The following ERBB4 variants were observed in gnomAD, a reference collection of about 807,000 sequenced individuals.
ERBB4 encodes the protein erb-b2 receptor tyrosine kinase 4, also known as receptor tyrosine-protein kinase erbB-4.
ERBB4 carries 42 observed loss-of-function variants against 158.0 expected under a neutral mutation model. That is an observed-to-expected ratio of 0.27 (90% CI 0.21 to 0.34). The LOEUF (loss-of-function observed/expected upper bound fraction) is 0.34. ERBB4 is among the 10% of genes least tolerant of loss of function. The probability of loss-of-function intolerance (pLI) is 1.00; values close to 1 mark genes in which losing one functional copy is unlikely to be tolerated. For missense variants in ERBB4, 1,333 were observed against 1,624.1 expected, an observed-to-expected ratio of 0.82 and a Z score of 3.08; for synonymous variants, 583 against 558.7, an observed-to-expected ratio of 1.04 and a Z score of -0.61.
chr2:211,894,353 T>C (rs535972692), intron 3 of ERBB4, among the ~76,000 whole-genome samples: 109 of 146,484 alleles, frequency 7.4e-4, no homozygotes, highest in Non-Finnish European at 1.4e-3. Flanking sequence ...TAGTTGGGAA[T>C]TGAACAATGA....
intron 16 of ERBB4, among the ~76,000 whole-genome samples, chr2:211,643,236 A>C (rs2070664923): frequency 6.6e-6 from 1 of 152,138 alleles, no homozygotes; most frequent in Non-Finnish European, 1.5e-5. Context: ...ACCATAGGGA[A>C]TTCTGGAAAA....
intron 2 of ERBB4, among the ~76,000 whole-genome samples, chr2:212,094,966 A>C (rs560550086): frequency 1.3e-5 from 2 of 151,968 alleles, no homozygotes; most frequent in African/African-American, 4.8e-5. Flanking sequence ...GCAGAAAGTG[A>C]TATGAAATTC....
chr2:211,669,912 T>C (rs2071774583), intron 14 of ERBB4, among the ~76,000 whole-genome samples: 1 of 152,210 alleles, frequency 6.6e-6, no homozygotes, highest in South Asian at 2.1e-4. Flanking sequence ...ACTTTCTTTA[T>C]ATTTTAAAGG....
At chr2:211,702,443 T>C (rs921655653) in intron 11 of ERBB4, among the ~76,000 whole-genome samples, 4 of 152,182 alleles carry the variant, frequency 2.6e-5, no homozygotes, top group Admixed American at 6.5e-5. Context: ...GCTCACTATC[T>C]TCCCACCCCA....
chr2:211,689,135 G>A (rs2072696555), intron 12 of ERBB4, among the ~76,000 whole-genome samples: 1 of 152,074 alleles, frequency 6.6e-6, no homozygotes, highest in Non-Finnish European at 1.5e-5. Context: ...ATTTCTTTCT[G>A]ATTTAGTCAT....
chr2:211,505,510 T>G (rs935220414), intron 20 of ERBB4, among the ~76,000 whole-genome samples: 1 of 145,078 alleles, frequency 6.9e-6, no homozygotes, highest in Non-Finnish European at 1.5e-5. Flanking sequence ...AAAAAAAACA[T>G]GTAAGTAGAA....
chr2:211,786,804 T>C (rs978461678), intron 4 of ERBB4, among the ~76,000 whole-genome samples: 2 of 152,188 alleles, frequency 1.3e-5, no homozygotes, highest in Non-Finnish European at 2.9e-5. Flanking sequence ...ATATGTGCAA[T>C]AGCATGGGCA....
At chr2:211,866,626 T>C (rs1353519760) in intron 3 of ERBB4, among the ~76,000 whole-genome samples, 1 of 152,158 alleles carries the variant, frequency 6.6e-6, no homozygotes, top group Admixed American at 6.5e-5. Flanking sequence ...ATTATATAAA[T>C]GAAGATTTTA....
At chr2:212,322,654 T>C (rs7577906) in intron 1 of ERBB4, among the ~76,000 whole-genome samples, 133,875 of 149,844 alleles carry the variant, frequency 0.89, 60,522 homozygotes, top group Middle Eastern at 0.97. Flanking sequence ...CCTGGCCACA[T>C]GCTCATGCAG....
intron 1 of ERBB4, among the ~76,000 whole-genome samples, chr2:212,134,654 G>T (rs1182467339): frequency 1.4e-5 from 2 of 147,870 alleles, no homozygotes; most frequent in Admixed American, 6.7e-5. Flanking sequence ...AACGTAGACT[G>T]CTGAAATTAA....
intron 26 of ERBB4, among the ~76,000 whole-genome samples, chr2:211,387,674 A>C (rs2062714808): frequency 6.6e-6 from 1 of 152,216 alleles, no homozygotes; most frequent in African/African-American, 2.4e-5. Flanking sequence ...AGGGAAGTAA[A>C]GATCACCTCC....
intron 2 of ERBB4, among the ~76,000 whole-genome samples, chr2:212,090,761 T>C (rs1344491657): frequency 1.3e-5 from 2 of 152,194 alleles, no homozygotes; most frequent in African/African-American, 2.4e-5. Flanking sequence ...TACAATGCCT[T>C]CATCAACATG....
chr2:212,368,226 C>A (rs2089961264), intron 1 of ERBB4, among the ~76,000 whole-genome samples: 1 of 152,208 alleles, frequency 6.6e-6, no homozygotes, highest in East Asian at 1.9e-4. Flanking sequence ...TCTATACATA[C>A]AATGGAATAC....
At chr2:212,019,138 G>C (rs927232631) in intron 2 of ERBB4, among the ~76,000 whole-genome samples, 1 of 152,084 alleles carries the variant, frequency 6.6e-6, no homozygotes, top group Admixed American at 6.5e-5. Flanking sequence ...AGTACCTAGA[G>C]GGACAATGTA....
chr2:211,660,312 C>G (rs976911196), intron 15 of ERBB4, among the ~76,000 whole-genome samples: 1 of 151,990 alleles, frequency 6.6e-6, no homozygotes, highest in Non-Finnish European at 1.5e-5. Flanking sequence ...TTTTAGTCCA[C>G]GTAAGAGATG....
intron 25 of ERBB4, among the ~76,000 whole-genome samples, chr2:211,415,148 G>T (rs1219956187): frequency 5.5e-5 from 6 of 108,376 alleles, no homozygotes; most frequent in East Asian, 2.9e-4. Context: ...ACGGAGTCTC[G>T]CTCTGTCGCC....
Position 211,424,307 on chromosome 2 carries a change from T to C in ERBB4, c.2720-6A>G. 1 of 1,610,370 alleles carries C rather than the reference T, an allele frequency of 6.2e-7. No individual in the cohort carries two copies. The highest frequency in any genetic ancestry group is 8.5e-7 in the Non-Finnish European group (1 of 1,177,140). Reference sequence around the variant, plus strand: ...CAGTTCCCATATAGTAACTCCTATATTGGAGAAAAAATTCTTACTTAAGCA... The same window carrying C: ...CAGTTCCCATATAGTAACTCCTATACTGGAGAAAAAATTCTTACTTAAGCA... On this transcript the variant is annotated splice_polypyrimidine_tract_variant and splice_region_variant and intron_variant, in intron 22 of 27. Coordinates refer to ENST00000342788, the MANE Select transcript of ERBB4 (RefSeq NM_005235.3).
chr2:211,438,016 C>G (rs2063893076), intron 20 of ERBB4, among the ~76,000 whole-genome samples: 1 of 152,092 alleles, frequency 6.6e-6, no homozygotes, highest in African/African-American at 2.4e-5. Context: ...TAAGGAGGCT[C>G]AGTAATGGAA....
At chr2:212,504,986 T>C (rs761163936) in intron 1 of ERBB4, among the ~76,000 whole-genome samples, 1 of 152,240 alleles carries the variant, frequency 6.6e-6, no homozygotes, top group African/African-American at 2.4e-5. Context: ...AAAATACTAG[T>C]AATACAATGC....
Sources: gnomAD v4.1 joint callset for allele counts (sites outside exome capture counted in the v4.1 genomes callset) on GRCh38, gnomAD v4.1.1 for gene constraint, MANE v1.5 for transcripts, NCBI Gene and HGNC (gene_info 2026-07-23, HGNC 2026-07-21) for gene names.